Variants in DNAJB1 observed in about 807,000 individuals in gnomAD.
The protein encoded by DNAJB1 is dnaJ homolog subfamily B member 1.
In DNAJB1, 14 loss-of-function variants were observed where a neutral mutation model predicts 24.0. That is an observed-to-expected ratio of 0.58 (90% CI 0.39 to 0.91). The LOEUF (loss-of-function observed/expected upper bound fraction) is 0.91. Ranked by LOEUF, DNAJB1 falls within the 40% of genes least tolerant of loss-of-function variation. The pLI is 0.00. For missense variants in DNAJB1, 517 were observed against 458.1 expected (o/e 1.13, Z -1.17); for synonymous variants, 262 against 174.4 (o/e 1.50, Z -3.96).
chr19:14,555,128 G>A (rs1054433315), upstream of DNAJB1, among the ~76,000 whole-genome samples: 32 of 151,688 alleles, frequency 2.1e-4, no homozygotes, highest in Non-Finnish European at 3.4e-4. Flanking sequence ...AGGCAGGGGT[G>A]CCGTAGTGTA....
At chr19:14,520,377 C>T (rs764797635), upstream of DNAJB1, among the ~76,000 whole-genome samples, 8 of 152,200 alleles carry the variant, frequency 5.3e-5, no homozygotes, top group Non-Finnish European at 1.2e-4. Context: ...GAATTTGAGG[C>T]TGCAGGCAGC....
intron 2 of DNAJB1, among the ~76,000 whole-genome samples, chr19:14,523,416 G>T (rs2072384329): frequency 6.7e-6 from 1 of 150,222 alleles, no homozygotes; most frequent in East Asian, 2.0e-4. Context: ...CTGGGTTCAA[G>T]CGATTCTCTG....
intron 1 of DNAJB1, among the ~76,000 whole-genome samples, chr19:14,557,514 C>A (rs892750704): frequency 6.8e-6 from 1 of 146,742 alleles, no homozygotes; most frequent in Non-Finnish European, 1.5e-5. Flanking sequence ...TGCAGTGGTG[C>A]GATATCAGCT....
Position 14,516,059 on chromosome 19 carries a change from G to A in DNAJB1, c.904C>T (p.Leu302Phe). Residue 302 changes from leucine to phenylalanine, a missense_variant, in exon 3 of 3, where the codon CTC (leucine) becomes TTC (phenylalanine). Leu to Phe is a conservative substitution (Grantham distance 22). Transcript: ENST00000254322. ...GMRRKVPGEG[L>F]PLPKTPEKRG... ...TTCTCGGGTGTTTTGGGGAGGGGGA[G>A]GCCTTCTCCAGGAACTTTTCGCCGC... 6.2e-7 allele frequency: 1 copy of A among 1,613,610 alleles called. No individual in the cohort carries two copies.
chr19:14,535,756 C>CAAAA (rs1161257175), intron 1 of DNAJB1, among the ~76,000 whole-genome samples: 851 of 51,938 alleles, frequency 0.016, 52 homozygotes, highest in African/African-American at 0.041. Context: ...GACTCTGTCT[C>CAAAA]AAAAAAAAAA....
intron 1 of DNAJB1, chr19:14,529,106 AG>A (rs1427279722): frequency 6.2e-6 from 1 of 160,640 alleles, no homozygotes; most frequent in African/African-American, 2.4e-5. Context: ...CCCACTCAAG[AG>A]TCTCCTCCCA....
Position 14,517,033 on chromosome 19 carries a change from A to G in DNAJB1, c.225T>C (p.Ser75=), listed in dbSNP as rs373619034. 12 of 1,608,590 alleles carry G rather than the reference A, an allele frequency of 7.5e-6. No individual in the cohort carries two copies. The highest frequency in any genetic ancestry group is 1.0e-5 in the Non-Finnish European group (12 of 1,178,052). The change falls in exon 2 of 3, where the codon AGT becomes AGC. Residue 75 remains serine, a synonymous_variant. Coordinates refer to ENST00000254322, the MANE Select transcript of DNAJB1 (RefSeq NM_006145.3). ...CACCGCCGCTACCGCCACTGGGGCC[A>G]CTCCCCTTTAGGCCTGAAAAGCAGA... ...DRYGEEGLKG[S]GPSGGSGGGA...
chr19:14,535,565 T>TAC (rs2072860388), intron 1 of DNAJB1, among the ~76,000 whole-genome samples: 1 of 13,968 alleles, frequency 7.2e-5, no homozygotes, highest in Non-Finnish European at 1.6e-4. Context: ...TATATATATA[T>TAC]ATATATATAT....
At chr19:14,530,379 C>T (rs979926511), upstream of DNAJB1, 7 of 153,264 alleles carry the variant, frequency 4.6e-5, no homozygotes, top group African/African-American at 1.7e-4. Context: ...AAAACGAAGT[C>T]TTCTGATGTG....
upstream of DNAJB1, among the ~76,000 whole-genome samples, chr19:14,552,086 A>G (rs1599466722): frequency 6.8e-6 from 1 of 146,210 alleles, no homozygotes; most frequent in Non-Finnish European, 1.5e-5. Context: ...CAGTCCATCT[A>G]CCTTGGCCTC....
chr19:14,535,077 G>C lies in DNAJB1; in HGVS notation c.-213-7267C>G, dbSNP rs552227271. Among the ~76,000 whole-genome samples, 3 of 152,232 alleles carry C rather than the reference G, an allele frequency of 2.0e-5. No individual in the cohort carries two copies. The South Asian group carries it at 6.2e-4, about 32-fold the overall frequency. Reference sequence around the variant, plus strand: ...CCCCTTGCAGTAAGGGCAGGATTGAGAGTGATGAGCCTTGCCTGGGTGCAG... The same window carrying C: ...CCCCTTGCAGTAAGGGCAGGATTGACAGTGATGAGCCTTGCCTGGGTGCAG... On this transcript the variant is annotated intron_variant, in intron 1 of 3. Transcript: ENST00000676982.
In DNAJB1 at chr19:14,549,211, C is replaced by CTTT. The variant is rs561284094; in HGVS notation, c.-214+994_-214+996dup. 6.4e-3 allele frequency among the ~76,000 whole-genome samples: 708 copies of CTTT among 111,140 alleles called. 27 individuals are homozygous for CTTT. The highest frequency in any genetic ancestry group is 0.02 in the African/African-American group (542 of 27,774). 72.9% of individuals were successfully genotyped at this position (111,140 alleles called of 152,430 possible). ...ATTATTTCCACAACCTTTAATTGGA[C>CTTT]TTTTTTTTTTTTTTTTTTTTGAGAT... On this transcript the variant is annotated intron_variant, in intron 1 of 3. Coordinates refer to the DNAJB1 transcript ENST00000676982.
At chr19:14,531,065 G>T (rs2072632027), upstream of DNAJB1, 1 of 151,940 alleles carries the variant, frequency 6.6e-6, no homozygotes, top group Non-Finnish European at 1.5e-5. Flanking sequence ...ACAGAGTTTC[G>T]GTCTTATTGC....
chr19:14,535,128 G>A (rs1485035015), intron 1 of DNAJB1, among the ~76,000 whole-genome samples: 2 of 151,726 alleles, frequency 1.3e-5, no homozygotes, highest in African/African-American at 2.4e-5. Context: ...ATCCCAGCAC[G>A]TTGGGAGGCT....
At chr19:14,536,874 GTGCAGCA>G in intron 1 of DNAJB1, among the ~76,000 whole-genome samples, 2 of 151,562 alleles carry the variant, frequency 1.3e-5, no homozygotes, top group South Asian at 4.2e-4. Context: ...CCTCAGCTTG[GTGCAGCA>G]CCTTGCAGCA....
chr19:14,516,403 T>TA, intron 2 of DNAJB1, 63 bp downstream of exon 2: 1 of 1,541,242 alleles, frequency 6.5e-7, no homozygotes, highest in South Asian at 1.2e-5. Context: ...GTTCAGCAAA[T>TA]ACTAAACTGC....
intron 1 of DNAJB1, among the ~76,000 whole-genome samples, chr19:14,547,987 G>A (rs1317892819): frequency 7.3e-6 from 1 of 136,636 alleles, no homozygotes; most frequent in Non-Finnish European, 1.6e-5. Flanking sequence ...TTTTTGAGAC[G>A]GAGTCTCGCT....
At position 14,559,892 on chromosome 19, in the gene DNAJB1, C is replaced by T. The variant is rs180692816; in HGVS notation, c.-2166+139G>A. On this transcript the variant is annotated intron_variant, in intron 1 of 5. Coordinates refer to the DNAJB1 transcript ENST00000679223. ...AGTCCTCTCTCTAGGAGGAGATGGC[C>T]GACGAGCTGGGGATTTGGGGCAGGA... Among the ~76,000 whole-genome samples, 8 of 152,258 alleles carry T rather than the reference C, an allele frequency of 5.3e-5. No homozygotes were observed. In the East Asian group the frequency reaches 5.8e-4, roughly 11 times the overall value.
At position 14,540,155 on chromosome 19, in the gene DNAJB1, G is replaced by C. The variant is rs1229328049; in HGVS notation, c.-214+10053C>G. 3.9e-5 allele frequency among the ~76,000 whole-genome samples: 6 copies of C among 152,020 alleles called. No homozygotes were observed. The East Asian group carries it at 1.2e-3, about 29-fold the overall frequency. On this transcript the variant is annotated intron_variant, in intron 1 of 3. Transcript: ENST00000676982. ...GCTCACTGCAAGCTCCACCTCCCAG[G>C]TTCACGCCATTCTCCTGCCTCAGCC...
Sources: gnomAD v4.1 joint callset for allele counts (sites outside exome capture counted in the v4.1 genomes callset) on GRCh38, gnomAD v4.1.1 for gene constraint, MANE v1.5 for transcripts, NCBI Gene and HGNC (gene_info 2026-07-23, HGNC 2026-07-21) for gene names.